ITPR2: variants seen among roughly 807,000 people sequenced by gnomAD.
The protein encoded by ITPR2 is inositol 1,4,5-trisphosphate receptor type 2.
A neutral mutation model predicts 317.1 loss-of-function variants in ITPR2; 207 were observed. The ratio of observed to expected loss-of-function variants is 0.65; its 90% CI spans 0.58 to 0.73. The LOEUF is 0.73. Ranked by LOEUF, ITPR2 falls within the 30% of genes least tolerant of loss-of-function variation. The pLI is 0.00. For synonymous variants in ITPR2, 1,156 were observed against 1,149.1 expected, an observed-to-expected ratio of 1.01 and a Z score of -0.12; for missense variants, 2,613 against 3,284.0, an observed-to-expected ratio of 0.80 and a Z score of 4.99.
chr12:26,810,876 G>A (rs1039746123), intron 1 of ITPR2, among the ~76,000 whole-genome samples: 3 of 151,856 alleles, frequency 2.0e-5, no homozygotes, highest in African/African-American at 7.3e-5. Context: ...ATGCTTCCCA[G>A]GCTGGTCTCA....
chr12:26,578,686 A>T (rs768023848), intron 34 of ITPR2, 27 bp downstream of exon 34: 3 of 1,554,396 alleles, frequency 1.9e-6, no homozygotes, highest in Non-Finnish European at 2.6e-6. Flanking sequence ...AAATGTAAAA[A>T]TAAGTAAAAC....
chr12:26,355,611 G>C (rs548957613), intron 55 of ITPR2, among the ~76,000 whole-genome samples: 4 of 152,244 alleles, frequency 2.6e-5, no homozygotes, highest in African/African-American at 9.6e-5. Context: ...GTCCGTACTG[G>C]CCACTCCCAT....
intron 1 of ITPR2, among the ~76,000 whole-genome samples, chr12:26,796,126 G>C (rs752878304): frequency 3.9e-5 from 6 of 152,154 alleles, no homozygotes; most frequent in Non-Finnish European, 8.8e-5. Context: ...AGAACAGCCT[G>C]TGCAGCCAAC....
At chr12:26,544,872 G>T (rs192600245) in intron 37 of ITPR2, among the ~76,000 whole-genome samples, 1 of 152,068 alleles carries the variant, frequency 6.6e-6, no homozygotes, top group Non-Finnish European at 1.5e-5. Context: ...GTGACTTAAC[G>T]CAATTCACTT....
chr12:26,509,833 T>C (rs977624229), intron 37 of ITPR2, among the ~76,000 whole-genome samples: 1 of 152,046 alleles, frequency 6.6e-6, no homozygotes, highest in Non-Finnish European at 1.5e-5. Context: ...ACTTGATGTG[T>C]AGAAACTCAA....
At chr12:26,771,608 G>A (rs897253656) in intron 2 of ITPR2, among the ~76,000 whole-genome samples, 3 of 152,120 alleles carry the variant, frequency 2.0e-5, no homozygotes, top group Admixed American at 2.0e-4. Flanking sequence ...TCTGCCTCCC[G>A]GGTTCACACC....
chr12:26,796,252 A>G (rs1298331323), intron 1 of ITPR2, among the ~76,000 whole-genome samples: 2 of 152,260 alleles, frequency 1.3e-5, no homozygotes, highest in Non-Finnish European at 2.9e-5. Flanking sequence ...GAAATTTATA[A>G]GGAATGTCTA....
At chr12:26,720,615 G>A (rs982305927) in intron 5 of ITPR2, among the ~76,000 whole-genome samples, 11 of 152,124 alleles carry the variant, frequency 7.2e-5, no homozygotes, top group South Asian at 2.1e-4. Context: ...AAACAAAAAC[G>A]GTGAGCTGTT....
chr12:26,464,894 C>G (rs750369408), intron 45 of ITPR2, among the ~76,000 whole-genome samples: 4 of 152,142 alleles, frequency 2.6e-5, no homozygotes. Context: ...CTGAGTTGTA[C>G]ACAGGGTGGG....
At chr12:26,566,488 G>GAGAGGAGGGAGAGGAGGA (rs1944990898) in intron 34 of ITPR2, among the ~76,000 whole-genome samples, 1 of 142,604 alleles carries the variant, frequency 7.0e-6, no homozygotes, top group Non-Finnish European at 1.5e-5. Context: ...GGAGAGGAGG[G>GAGAGGAGGGAGAGGAGGA]AGAGGAGGGA....
intron 21 of ITPR2, among the ~76,000 whole-genome samples, chr12:26,648,013 C>T (rs1203050860): frequency 6.6e-6 from 1 of 152,094 alleles, no homozygotes; most frequent in East Asian, 1.9e-4. Flanking sequence ...AAGCTAGACG[C>T]AGACCCCCAA....
chr12:26,343,194 C>T (rs2343795), intron 55 of ITPR2, among the ~76,000 whole-genome samples: 147,636 of 152,266 alleles, frequency 0.97, 71,743 homozygotes, highest in Non-Finnish European at 1. Context: ...CAACACAAAA[C>T]AGATTAAGAA....
chr12:26,797,865 T>A (rs1178807666), intron 1 of ITPR2, among the ~76,000 whole-genome samples: 1 of 151,864 alleles, frequency 6.6e-6, no homozygotes, highest in Non-Finnish European at 1.5e-5. Context: ...CTAATTTTTG[T>A]ATTTTTAGTA....
intron 5 of ITPR2, among the ~76,000 whole-genome samples, chr12:26,720,269 T>C (rs1948812299): frequency 6.6e-6 from 1 of 152,224 alleles, no homozygotes. Context: ...CAGAACATCT[T>C]GTTGGATGTT....
intron 23 of ITPR2, among the ~76,000 whole-genome samples, chr12:26,624,776 C>CAAAAA (rs141428313): frequency 7.2e-6 from 1 of 138,228 alleles, no homozygotes. Context: ...CGAGGTTTCT[C>CAAAAA]AAAAAAAAAA....
chr12:26,345,817 G>A (rs907432180), intron 55 of ITPR2, among the ~76,000 whole-genome samples: 2 of 152,192 alleles, frequency 1.3e-5, no homozygotes, highest in African/African-American at 4.8e-5. Context: ...GAAGATACTA[G>A]TTAACAGGAC....
intron 21 of ITPR2, among the ~76,000 whole-genome samples, chr12:26,633,613 G>A (rs976344574): frequency 8.5e-5 from 13 of 152,204 alleles, no homozygotes; most frequent in Non-Finnish European, 1.9e-4. Context: ...GAATAGCCTT[G>A]AGGCAGAATG....
chr12:26,566,162 AAGAGG>A (rs1944976812), intron 34 of ITPR2, among the ~76,000 whole-genome samples: 1 of 88,924 alleles, frequency 1.1e-5, no homozygotes, highest in African/African-American at 4.4e-5. Context: ...AAGGAGAGGA[AAGAGG>A]AGAGGGGAGA....
In ITPR2 at chr12:26,791,824, A is replaced by G. The variant is rs369244376; in HGVS notation, c.93-1597T>C. ...AATAGTTGTGATAATATTACAACGT[A>G]AGATGTAAATAAAAGTGCTGTGAGG... On this transcript the variant is annotated intron_variant, in intron 1 of 56. Transcript: ENST00000381340. Among the ~76,000 whole-genome samples the G allele has an allele frequency of 2.7e-3, 411 of 152,344 alleles. 3 individuals are homozygous for G. Among genetic ancestry groups the G allele is most frequent in the African/African-American group, 5.3e-3 (219 of 41,578 alleles).
Sources: allele counts gnomAD v4.1 joint callset (sites outside exome capture counted in the v4.1 genomes callset), GRCh38; gene constraint gnomAD v4.1.1; transcripts MANE v1.5; gene names NCBI Gene and HGNC (gene_info 2026-07-23, HGNC 2026-07-21).